Variants in IRF2 observed in about 807,000 individuals in gnomAD.
IRF2 encodes the protein interferon regulatory factor 2.
IRF2 carries 15 observed loss-of-function variants against 40.6 expected under a neutral mutation model. That is an observed-to-expected ratio of 0.37 (90% CI 0.25 to 0.57). The LOEUF is 0.57. Ranked by LOEUF, IRF2 falls within the 20% of genes least tolerant of loss-of-function variation. The pLI is 0.77. For synonymous variants in IRF2, 151 were observed against 165.5 expected, an observed-to-expected ratio of 0.91 and a Z score of 0.67; for missense variants, 317 against 455.7, an observed-to-expected ratio of 0.70 and a Z score of 2.77.
At chr4:184,428,413 A>C (rs1030938902) in intron 2 of IRF2, among the ~76,000 whole-genome samples, 17 of 152,262 alleles carry the variant, frequency 1.1e-4, no homozygotes, top group African/African-American at 4.1e-4. Flanking sequence ...TTCCAAAAAA[A>C]GCAAGGAGCT....
chr4:184,473,604 A>G (rs1410710433), intron 1 of IRF2, among the ~76,000 whole-genome samples: 1 of 147,274 alleles, frequency 6.8e-6, no homozygotes, highest in Non-Finnish European at 1.5e-5. Context: ...CCCAGGAAGC[A>G]GGGCGCGTCG....
chr4:184,459,640 AAATG>A (rs1739063508), intron 1 of IRF2, among the ~76,000 whole-genome samples: 1 of 152,240 alleles, frequency 6.6e-6, no homozygotes, highest in Non-Finnish European at 1.5e-5. Flanking sequence ...CAAAACCACA[AAATG>A]AATGACTCAA....
chr4:184,419,932 A>G (rs1204656809), intron 2 of IRF2, among the ~76,000 whole-genome samples: 1 of 152,182 alleles, frequency 6.6e-6, no homozygotes, highest in Non-Finnish European at 1.5e-5. Context: ...TAGTGGCGCG[A>G]TATCGGCTCA....
chr4:184,394,001 G>T (rs527827134), intron 7 of IRF2, among the ~76,000 whole-genome samples: 2 of 152,248 alleles, frequency 1.3e-5, no homozygotes, highest in East Asian at 1.9e-4. Context: ...ATCAACATAC[G>T]TTGTCATTTC....
Position 184,428,964 on chromosome 4 carries a change from C to T in IRF2, c.87+14G>A, listed in dbSNP as rs1737770256. ...GGACCTCTCTCACACATACACCCAC[C>T]CTGACCCACTCACCTTGTTAAGCCA... On this transcript the variant is annotated intron_variant, in intron 2 of 8. Coordinates refer to ENST00000393593, the MANE Select transcript of IRF2 (RefSeq NM_002199.4). 2 of 1,610,746 alleles carry T rather than the reference C, an allele frequency of 1.2e-6. No homozygotes were observed. Among genetic ancestry groups the T allele is most frequent in the South Asian group, 2.2e-5 (2 of 91,010 alleles).
chr4:184,427,513 G>A (rs1167817406), intron 2 of IRF2, among the ~76,000 whole-genome samples: 1 of 152,166 alleles, frequency 6.6e-6, no homozygotes, highest in African/African-American at 2.4e-5. Flanking sequence ...AATTATCCAG[G>A]AGCGCACCTG....
intron 1 of IRF2, among the ~76,000 whole-genome samples, chr4:184,456,756 G>T (rs143407929): frequency 6.6e-6 from 1 of 152,336 alleles, no homozygotes; most frequent in East Asian, 1.9e-4. Context: ...ACTGAATTCA[G>T]CCAACACGTA....
intron 1 of IRF2, among the ~76,000 whole-genome samples, chr4:184,468,121 C>T (rs1283104335): frequency 6.6e-6 from 1 of 152,156 alleles, no homozygotes; most frequent in Non-Finnish European, 1.5e-5. Flanking sequence ...AACCAAACGC[C>T]TAATTCTCCA....
chr4:184,419,456 G>A lies in IRF2; in HGVS notation c.187+13C>T. 1 of 1,539,330 alleles carries A rather than the reference G, an allele frequency of 6.5e-7. No homozygotes were observed. The highest frequency in any genetic ancestry group is 9.0e-7 in the Non-Finnish European group (1 of 1,114,908). On this transcript the variant is annotated intron_variant, in intron 3 of 8. Transcript: ENST00000393593. ...GTGCCTTCCTCTATAAACGCCGCAG[G>A]GAGTTTTAGTACCTGTATGGATTGC...
chr4:184,456,519 CAG>C (rs1194475806), intron 1 of IRF2, among the ~76,000 whole-genome samples: 1 of 152,260 alleles, frequency 6.6e-6, no homozygotes, highest in African/African-American at 2.4e-5. Flanking sequence ...GCTGCGAGTT[CAG>C]AGTCAGCCAT....
intron 1 of IRF2, among the ~76,000 whole-genome samples, chr4:184,441,798 G>C (rs559711754): frequency 1.3e-5 from 2 of 152,198 alleles, no homozygotes; most frequent in Non-Finnish European, 2.9e-5. Flanking sequence ...TCCCAAGAAC[G>C]TGGGTACTAC....
At chr4:184,429,510 T>C (rs1714393406) in intron 1 of IRF2, among the ~76,000 whole-genome samples, 1 of 152,192 alleles carries the variant, frequency 6.6e-6, no homozygotes, top group Admixed American at 6.5e-5. Context: ...AGCCATTCCT[T>C]TTGAGAATCT....
At chr4:184,434,777 T>A (rs1029804162) in intron 1 of IRF2, among the ~76,000 whole-genome samples, 6 of 152,226 alleles carry the variant, frequency 3.9e-5, no homozygotes, top group African/African-American at 1.4e-4. Flanking sequence ...CCATGATTAG[T>A]GCTATTAACA....
rs1286106116 is a variant in IRF2, at chr4:184,388,124, G to A, written c.*634C>T. The A allele has an allele frequency of 6.6e-6, 1 of 152,190 alleles. No homozygotes were observed. The highest frequency in any genetic ancestry group is 2.1e-4 in the South Asian group (1 of 4,782). 9.4% of individuals were successfully genotyped at this position (152,190 alleles called of 1,614,324 possible). A position where few individuals can be genotyped will look rare whatever the true frequency, so the allele number is the denominator to read the frequency against. On this transcript the variant is annotated 3_prime_UTR_variant, in exon 9 of 9. Transcript: ENST00000393593. This position sits in a 1 kb window ranked among gnomAD's most constrained non-coding sequence, Gnocchi z 4.6. ...TTTTTTTAAAGCAGTCTGAAAATGG[G>A]ACATCTGTAGAGAAATTCATTTCCT...
At chr4:184,429,835 C>T (rs1350218765) in intron 1 of IRF2, among the ~76,000 whole-genome samples, 2 of 152,182 alleles carry the variant, frequency 1.3e-5, no homozygotes, top group Non-Finnish European at 2.9e-5. Flanking sequence ...CAATGCCTCC[C>T]TGCTGCTTCC....
chr4:184,461,050 T>G (rs1341138681), intron 1 of IRF2, among the ~76,000 whole-genome samples: 1 of 152,238 alleles, frequency 6.6e-6, no homozygotes, highest in Non-Finnish European at 1.5e-5. Context: ...TGGATATCTT[T>G]CATCAGCTTC....
At chr4:184,396,647 G>A (rs147722507) in intron 7 of IRF2, among the ~76,000 whole-genome samples, 382 of 151,868 alleles carry the variant, frequency 2.5e-3, no homozygotes, top group African/African-American at 8.1e-3. Context: ...TGTTGCCCAG[G>A]CTGGTCTCCA....
At chr4:184,445,135 G>T (rs73874649) in intron 1 of IRF2, among the ~76,000 whole-genome samples, 6,766 of 152,250 alleles carry the variant, frequency 0.044, 519 homozygotes, top group African/African-American at 0.15. Flanking sequence ...CAGAGCATGC[G>T]CCGGGCTGAC....
chr4:184,466,559 C>T (rs1739336663), intron 1 of IRF2, among the ~76,000 whole-genome samples: 1 of 152,050 alleles, frequency 6.6e-6, no homozygotes, highest in Non-Finnish European at 1.5e-5. Context: ...TAAAACAGTA[C>T]CAAGGAAGAT....
Sources: gnomAD v4.1 joint callset for allele counts (sites outside exome capture counted in the v4.1 genomes callset) on GRCh38, gnomAD v4.1.1 for gene constraint, Gnocchi (gnomAD v3.1) non-coding constraint, MANE v1.5 for transcripts, NCBI Gene and HGNC (gene_info 2026-07-23, HGNC 2026-07-21) for gene names.